ZNF420: variants seen among roughly 807,000 people sequenced by gnomAD.
ZNF420 encodes zinc finger protein 420.
Under a neutral mutation model 44.7 loss-of-function variants are expected in ZNF420, and 31 were observed. The observed-to-expected ratio is 0.69, with a 90% CI of 0.52 to 0.94. ZNF420 has a LOEUF of 0.94. Among genes scored for constraint, ZNF420 ranks in the 40% least tolerant of loss-of-function variants. The pLI is 0.00. For missense variants in ZNF420, 681 were observed against 827.9 expected, an observed-to-expected ratio of 0.82 and a Z score of 2.18; for synonymous variants, 245 against 267.4, an observed-to-expected ratio of 0.92 and a Z score of 0.82.
chr19:37,096,802 C>T (rs913730879), intron 4 of ZNF420, among the ~76,000 whole-genome samples: 1 of 151,964 alleles, frequency 6.6e-6, no homozygotes, highest in Non-Finnish European at 1.5e-5. Flanking sequence ...ATCGGATGCA[C>T]CATTTACATA....
At chr19:37,051,952 G>C (rs1484064601) in intron 1 of ZNF420, among the ~76,000 whole-genome samples, 1 of 151,962 alleles carries the variant, frequency 6.6e-6, no homozygotes, top group East Asian at 1.9e-4. Context: ...AGAACATGTT[G>C]ACAGTGGGGT....
chr19:37,046,228 G>C (rs1379246074), intron 1 of ZNF420, among the ~76,000 whole-genome samples: 1 of 152,190 alleles, frequency 6.6e-6, no homozygotes, highest in Non-Finnish European at 1.5e-5. Flanking sequence ...CAGGAGGTGA[G>C]AGTTTAAATT....
At chr19:37,051,270 T>G (rs112788263) in intron 1 of ZNF420, among the ~76,000 whole-genome samples, 17 of 152,174 alleles carry the variant, frequency 1.1e-4, no homozygotes, top group East Asian at 3.9e-4. Flanking sequence ...TTTTTCTATT[T>G]ATTGGAATAG....
At chr19:37,067,501 T>C (rs1453047122) in intron 1 of ZNF420, among the ~76,000 whole-genome samples, 1 of 151,980 alleles carries the variant, frequency 6.6e-6, no homozygotes, top group Non-Finnish European at 1.5e-5. Context: ...TTCATTATAG[T>C]ACTTAGATAG....
In ZNF420 at chr19:37,129,120, TCA is replaced by T. The variant is rs1971527664; in HGVS notation, c.*65_*66del. The T allele has an allele frequency of 6.5e-7, 1 of 1,545,472 alleles. No individual in the cohort carries two copies. Among genetic ancestry groups the T allele is most frequent in the Non-Finnish European group, 8.7e-7 (1 of 1,145,152 alleles). On this transcript the variant is annotated 3_prime_UTR_variant, in exon 5 of 5. Transcript: ENST00000337995. ...TCTGGTTGTTAGCAGCAAAGAATTC[TCA>T]CAAATGTGAATATGGGCGCACATTT...
intron 1 of ZNF420, among the ~76,000 whole-genome samples, chr19:37,038,514 T>A (rs1017339753): frequency 1.3e-5 from 2 of 152,236 alleles, no homozygotes; most frequent in African/African-American, 4.8e-5. Flanking sequence ...TCTCAAACCC[T>A]GCTCTATCAA....
At position 37,127,889 on chromosome 19, in the gene ZNF420, A is replaced by C; in HGVS notation, c.898A>C (p.Ile300Leu). 5 of 1,613,952 alleles carry C rather than the reference A, an allele frequency of 3.1e-6. No homozygotes were observed. Among genetic ancestry groups the C allele is most frequent in the Non-Finnish European group, 4.2e-6 (5 of 1,179,954 alleles). ...QLSQLILHKR[I>L]HTGEKPYECK... is the part of the protein sequence containing the mutation. ...CTCACAACTTATTCTGCATAAGAGA[A>C]TTCATACCGGTGAGAAACCCTATGA... is the stretch of plus-strand genomic sequence containing the variant. The change falls in exon 5 of 5, where the codon ATT (isoleucine) becomes CTT (leucine). Residue 300 changes from isoleucine (I) to leucine (L), a missense_variant. Ile to Leu is a conservative substitution (Grantham distance 5). This residue lies in a region of ZNF420 where 350 missense variants were observed against 382.5 expected (regional missense o/e 0.92). Coordinates refer to ENST00000337995, the MANE Select transcript of ZNF420 (RefSeq NM_144689.5).
chr19:37,041,399 C>T (rs1967450694), intron 1 of ZNF420, among the ~76,000 whole-genome samples: 1 of 151,796 alleles, frequency 6.6e-6, no homozygotes, highest in African/African-American at 2.4e-5. Flanking sequence ...GTAATAAAAG[C>T]CTTACAGTCA....
intron 4 of ZNF420, among the ~76,000 whole-genome samples, chr19:37,124,656 TTG>T (rs1971244659): frequency 9.1e-6 from 1 of 109,892 alleles, no homozygotes; most frequent in African/African-American, 3.8e-5. Context: ...TATTGGATAA[TTG>T]TTTTTTTTTT....
At chr19:37,031,170 G>T (rs749391592) in intron 1 of ZNF420, among the ~76,000 whole-genome samples, 1 of 152,142 alleles carries the variant, frequency 6.6e-6, no homozygotes, top group Non-Finnish European at 1.5e-5. Context: ...CACCATTTCA[G>T]ACTGAGCTTA....
chr19:37,047,397 C>T (rs1247887591), intron 1 of ZNF420, among the ~76,000 whole-genome samples: 1 of 152,190 alleles, frequency 6.6e-6, no homozygotes, highest in Non-Finnish European at 1.5e-5. Flanking sequence ...AGACACAGTG[C>T]ACAAGGCATT....
chr19:37,073,867 G>C (rs529223502), upstream of ZNF420, among the ~76,000 whole-genome samples: 1 of 152,190 alleles, frequency 6.6e-6, no homozygotes, highest in East Asian at 1.9e-4. Flanking sequence ...CCAGCGTCAG[G>C]GGTTCTTACA....
chr19:37,103,504 C>A (rs1348348932), intron 4 of ZNF420, among the ~76,000 whole-genome samples: 1 of 152,154 alleles, frequency 6.6e-6, no homozygotes, highest in Admixed American at 6.5e-5. Context: ...ATGGTCATGA[C>A]TATTCATCCT....
intron 2 of ZNF420, among the ~76,000 whole-genome samples, chr19:37,086,899 G>C (rs1168487465): frequency 6.6e-6 from 1 of 151,990 alleles, no homozygotes; most frequent in African/African-American, 2.4e-5. Flanking sequence ...ATCTTGTCTT[G>C]TTACCATTTT....
rs34839210 is a variant in ZNF420 at position 37,129,747 on chromosome 19, T to TAA, written c.*701_*702dup. 35 of 167,230 alleles carry TAA rather than the reference T, an allele frequency of 2.1e-4. No individual in the cohort carries two copies. Among genetic ancestry groups the TAA allele is most frequent in the East Asian group, 4.7e-4 (3 of 6,350 alleles). The allele number at this position is 167,230 out of a possible 1,614,324, so 10.4% of individuals were successfully genotyped here. ...CCAGTGGATATAATCAGTGTATTAT[T>TAA]AAAAAAAAAAAAACCCAGTGGATGT... On this transcript the variant is annotated 3_prime_UTR_variant, in exon 5 of 5. Coordinates refer to ENST00000337995, the MANE Select transcript of ZNF420 (RefSeq NM_144689.5).
intron 4 of ZNF420, among the ~76,000 whole-genome samples, chr19:37,106,444 T>C (rs1970089264): frequency 6.6e-6 from 1 of 152,180 alleles, no homozygotes; most frequent in Non-Finnish European, 1.5e-5. Flanking sequence ...CTCATTCTTT[T>C]GAATCTGGTT....
chr19:37,073,854 G>T (rs192744237), upstream of ZNF420, among the ~76,000 whole-genome samples: 262 of 152,174 alleles, frequency 1.7e-3, 1 homozygote, highest in Middle Eastern at 0.017. Context: ...GGGGACACGG[G>T]CACCAGCGTC....
chr19:37,088,049 T>C (rs1789137202), intron 2 of ZNF420, among the ~76,000 whole-genome samples: 1 of 152,200 alleles, frequency 6.6e-6, no homozygotes, highest in Non-Finnish European at 1.5e-5. Context: ...GGCCACATGG[T>C]CTCTGCTGCA....
chr19:37,051,766 T>C (rs1967643561), intron 1 of ZNF420, among the ~76,000 whole-genome samples: 1 of 152,240 alleles, frequency 6.6e-6, no homozygotes, highest in African/African-American at 2.4e-5. Context: ...TGCTAGCTTT[T>C]GAATGTGTTT....
Sources: allele counts gnomAD v4.1 joint callset (sites outside exome capture counted in the v4.1 genomes callset), GRCh38; gene constraint gnomAD v4.1.1; regional missense constraint gnomAD v4.1.1; transcripts MANE v1.5; gene names NCBI Gene and HGNC (gene_info 2026-07-23, HGNC 2026-07-21).